The following PLCH1 variants were observed in gnomAD, a reference collection of about 807,000 sequenced individuals.
The protein encoded by PLCH1 is phospholipase C eta 1, also known as 1-phosphatidylinositol 4,5-bisphosphate phosphodiesterase eta-1.
In PLCH1, 60 loss-of-function variants were observed where a neutral mutation model predicts 126.7. The ratio of observed to expected loss-of-function variants is 0.47; its 90% CI spans 0.38 to 0.59. The LOEUF is 0.59. PLCH1 is among the 20% of genes least tolerant of loss of function. The pLI is 0.00. For synonymous variants in PLCH1, 719 were observed against 734.9 expected (o/e 0.98, Z 0.35); for missense variants, 1,723 against 2,040.0 (o/e 0.84, Z 2.99).
rs191311138 is a variant in PLCH1 at position 155,497,716 on chromosome 3, A to G, written c.1797-299T>C. On this transcript the variant is annotated intron_variant, in intron 14 of 22. Transcript: ENST00000460012. ...ATTTCAGAAATAAACAATTCATGAG[A>G]TTTTTTTTCTTTTTTTGAGACAGAG... is the stretch of plus-strand genomic sequence containing the variant. 1.9e-4 allele frequency among the ~76,000 whole-genome samples: 29 copies of G among 151,928 alleles called. 1 individual carries two copies. The highest frequency in any genetic ancestry group is 1.8e-3 in the Admixed American group (27 of 15,232).
chr3:155,617,606 G>C (rs1294243189), intron 2 of PLCH1, among the ~76,000 whole-genome samples: 1 of 152,110 alleles, frequency 6.6e-6, no homozygotes, highest in Non-Finnish European at 1.5e-5. Context: ...CTATTTGTGA[G>C]TATTCTTAAA....
In PLCH1 at chr3:155,481,906, T is replaced by C; in HGVS notation, c.4120A>G (p.Ser1374Gly). ...TTCEYRREGT[S>G]QLASPLKLKY... ...AGTTTTAAAGGAGAAGCAAGTTGACTTGTGCCCTCTCTCCTATATTCACAG... is the reference window on the plus strand; with the variant it reads ...AGTTTTAAAGGAGAAGCAAGTTGACCTGTGCCCTCTCTCCTATATTCACAG... The change falls in exon 23 of 23, where the codon AGT becomes GGT. Residue 1374 changes from serine to glycine, a missense_variant. Ser to Gly is a moderately conservative substitution (Grantham distance 56). Around this residue, in one of 2 missense-constraint regions of PLCH1, gnomAD observed 947 missense variants for 977.1 expected, o/e 0.97. Transcript: ENST00000460012. This position sits in a 1 kb window ranked among gnomAD's most constrained non-coding sequence, Gnocchi z 4.2. 6.2e-7 allele frequency: 1 copy of C among 1,614,200 alleles called. No homozygotes were observed. The highest frequency in any genetic ancestry group is 2.2e-5 in the East Asian group (1 of 44,892).
At chr3:155,665,449 C>T (rs1044924728) in intron 2 of PLCH1, among the ~76,000 whole-genome samples, 2 of 152,152 alleles carry the variant, frequency 1.3e-5, no homozygotes, top group African/African-American at 2.4e-5. Flanking sequence ...GCAAAGAGTG[C>T]TTTCAAGAAA....
intron 12 of PLCH1, among the ~76,000 whole-genome samples, chr3:155,512,357 A>G (rs1445377125): frequency 1.3e-5 from 2 of 152,180 alleles, no homozygotes. Context: ...AGCAAACAAG[A>G]GAGATGCAGA....
chr3:155,520,690 T>C (rs887716705), intron 11 of PLCH1, among the ~76,000 whole-genome samples: 3 of 152,240 alleles, frequency 2.0e-5, no homozygotes, highest in African/African-American at 7.2e-5. Context: ...TCTGTTAGAT[T>C]ACTACTCTGT....
intron 2 of PLCH1, among the ~76,000 whole-genome samples, chr3:155,646,017 G>A (rs892653335): frequency 1.3e-5 from 2 of 152,128 alleles, no homozygotes; most frequent in Admixed American, 1.3e-4. Flanking sequence ...GATTAGGCAG[G>A]TGGATGGTGG....
chr3:155,722,343 G>A (rs1228932290), intron 1 of PLCH1, among the ~76,000 whole-genome samples: 1 of 152,014 alleles, frequency 6.6e-6, no homozygotes, highest in Non-Finnish European at 1.5e-5. Context: ...TGTATTTTCA[G>A]TAGAGACGGG....
Position 155,482,238 on chromosome 3 carries a change from G to A in PLCH1, c.3788C>T (p.Thr1263Met), listed in dbSNP as rs769819729. ...LSSSETTKHA[T>M]NTVYETTCTP... The stretch of plus-strand genomic sequence containing the variant: ...GCAGGTAGTTTCATAAACTGTGTTC[G>A]TTGCATGTTTGGTGGTCTCAGAACT... Residue 1263 changes from threonine to methionine, a missense_variant, in exon 23 of 23, where the codon ACG becomes ATG. Thr to Met is a moderately conservative substitution (Grantham distance 81). Coordinates refer to ENST00000460012, the MANE Select transcript of PLCH1 (RefSeq NM_014996.4). The A allele has an allele frequency of 1.2e-5, 19 of 1,613,998 alleles. No individual in the cohort carries two copies. The highest frequency in any genetic ancestry group is 3.3e-5 in the Admixed American group (2 of 60,008).
intron 2 of PLCH1, among the ~76,000 whole-genome samples, chr3:155,659,299 C>CTTT (rs1559906914): frequency 3.6e-5 from 2 of 55,482 alleles, no homozygotes; most frequent in African/African-American, 1.2e-4. Flanking sequence ...TGTCTATTCA[C>CTTT]TTCTTTTTTT....
intron 1 of PLCH1, among the ~76,000 whole-genome samples, chr3:155,725,567 C>T (rs997785184): frequency 1.3e-5 from 2 of 151,940 alleles, no homozygotes; most frequent in African/African-American, 4.8e-5. Context: ...CCTACCTCAT[C>T]CTCCAGAGTA....
intron 1 of PLCH1, among the ~76,000 whole-genome samples, chr3:155,706,047 A>C (rs1420309561): frequency 6.6e-6 from 1 of 151,442 alleles, no homozygotes; most frequent in Non-Finnish European, 1.5e-5. Context: ...GGTGGCACGC[A>C]CCTGTAGTCC....
chr3:155,667,033 A>C (rs1252674664), intron 2 of PLCH1, among the ~76,000 whole-genome samples: 2 of 152,150 alleles, frequency 1.3e-5, no homozygotes, highest in Non-Finnish European at 2.9e-5. Context: ...GCACTGGACA[A>C]GACTTGTTAT....
intron 1 of PLCH1, among the ~76,000 whole-genome samples, chr3:155,712,951 A>G (rs1747251939): frequency 1.3e-5 from 2 of 151,432 alleles, no homozygotes. Context: ...TTATTTGTAA[A>G]TCACTTCATG....
chr3:155,567,985 G>A (rs951446109), intron 7 of PLCH1, among the ~76,000 whole-genome samples: 1 of 152,198 alleles, frequency 6.6e-6, no homozygotes, highest in East Asian at 1.9e-4. Flanking sequence ...TCCATCACAC[G>A]TGGTGGTACC....
intron 10 of PLCH1, among the ~76,000 whole-genome samples, chr3:155,544,071 A>C (rs1724818347): frequency 6.6e-6 from 1 of 150,664 alleles, no homozygotes; most frequent in South Asian, 2.1e-4. Flanking sequence ...TAAATGCTCC[A>C]ATTAAAAGAC....
At chr3:155,730,282 G>GTT (rs57900643) in intron 1 of PLCH1, among the ~76,000 whole-genome samples, 50 of 148,008 alleles carry the variant, frequency 3.4e-4, no homozygotes, top group African/African-American at 3.9e-4. Context: ...AAAATGATTA[G>GTT]TTTTTTTTTT....
At chr3:155,535,997 G>T (rs1723303670) in intron 10 of PLCH1, among the ~76,000 whole-genome samples, 1 of 152,188 alleles carries the variant, frequency 6.6e-6, no homozygotes, top group Non-Finnish European at 1.5e-5. Flanking sequence ...CACTTAACAG[G>T]ACTCTTTGCA....
intron 21 of PLCH1, among the ~76,000 whole-genome samples, chr3:155,472,342 T>C (rs1470194210): frequency 6.6e-6 from 1 of 152,124 alleles, no homozygotes; most frequent in East Asian, 1.9e-4. Context: ...CATGGATAAA[T>C]TCCTCGACAC....
intron 15 of PLCH1, among the ~76,000 whole-genome samples, chr3:155,496,573 G>T (rs1717068390): frequency 1.3e-5 from 2 of 152,128 alleles, no homozygotes; most frequent in Non-Finnish European, 2.9e-5. Flanking sequence ...ACACAATGTT[G>T]TTTTCCCTTC....
Sources: gnomAD v4.1 joint callset for allele counts (sites outside exome capture counted in the v4.1 genomes callset) on GRCh38, gnomAD v4.1.1 for gene constraint, gnomAD v4.1.1 regional missense constraint, Gnocchi (gnomAD v3.1) non-coding constraint, MANE v1.5 for transcripts, NCBI Gene and HGNC (gene_info 2026-07-23, HGNC 2026-07-21) for gene names.